Variants in TENM2 observed in about 807,000 individuals in gnomAD.
The protein encoded by TENM2 is teneurin-2.
TENM2 carries 52 observed loss-of-function variants against 245.2 expected under a neutral mutation model. The observed-to-expected ratio is 0.21, with a 90% CI of 0.17 to 0.27. The LOEUF (loss-of-function observed/expected upper bound fraction) is 0.27, where lower values mean the gene tolerates loss of function less well. Among genes scored for constraint, TENM2 ranks in the 10% least tolerant of loss-of-function variants. TENM2 has a pLI of 1.00. For missense variants in TENM2, 3,046 were observed against 3,666.8 expected (o/e 0.83, Z 4.37); for synonymous variants, 1,363 against 1,438.9 (o/e 0.95, Z 1.19).
At chr5:168,021,925 T>A (rs1052642521) in intron 5 of TENM2, among the ~76,000 whole-genome samples, 1 of 152,204 alleles carries the variant, frequency 6.6e-6, no homozygotes. Context: ...TAACAGGCCC[T>A]TTCTGTTCAT....
At chr5:167,881,474 T>C (rs1773872252) in intron 3 of TENM2, among the ~76,000 whole-genome samples, 1 of 152,188 alleles carries the variant, frequency 6.6e-6, no homozygotes, top group Non-Finnish European at 1.5e-5. Flanking sequence ...TCCGTAAGTA[T>C]TTGTTAAATA....
intron 2 of TENM2, among the ~76,000 whole-genome samples, chr5:167,703,531 A>AAAAAC (rs1758308698): frequency 2.0e-5 from 1 of 49,998 alleles, no homozygotes; most frequent in Admixed American, 2.6e-4. Flanking sequence ...AAACCATCTC[A>AAAAAC]AAAAAAAAAA....
Position 168,124,863 on chromosome 5 carries a change from T to A in TENM2, c.2022T>A (p.Asp674Glu), listed in dbSNP as rs1018268843. Residue 674 changes from aspartate (D) to glutamate (E), a missense_variant, in exon 11 of 29, where the codon GAT (aspartate) becomes GAA (glutamate). Coordinates refer to ENST00000518659, the Ensembl canonical transcript of TENM2. ...TGTTTTTTTCAGTTGATTGCTTGGATCCCACCTGCTCCAGCCACGGAGTCT... is the reference window on the plus strand; with the variant it reads ...TGTTTTTTTCAGTTGATTGCTTGGAACCCACCTGCTCCAGCCACGGAGTCT... 6.8e-6 allele frequency: 11 copies of A among 1,611,496 alleles called. No homozygotes were observed. Among genetic ancestry groups the A allele is most frequent in the Non-Finnish European group, 7.6e-6 (9 of 1,178,798 alleles).
At chr5:168,252,035 T>C (rs562510262) in intron 27 of TENM2, among the ~76,000 whole-genome samples, 2 of 152,186 alleles carry the variant, frequency 1.3e-5, no homozygotes, top group South Asian at 2.1e-4. Context: ...AGGTAATATA[T>C]GGATGATTGA....
chr5:167,990,064 T>TA (rs1163328209), intron 4 of TENM2, among the ~76,000 whole-genome samples: 3 of 152,222 alleles, frequency 2.0e-5, no homozygotes, highest in African/African-American at 7.2e-5. Context: ...AGTGACTCCT[T>TA]ACAATGCCTT....
At chr5:167,949,892 G>A (rs1353340158) in intron 3 of TENM2, among the ~76,000 whole-genome samples, 2 of 152,112 alleles carry the variant, frequency 1.3e-5, no homozygotes, top group South Asian at 4.1e-4. Context: ...AGACAAATGA[G>A]CAAATATAAT....
chr5:167,084,368 C>G, the TENM2 span, among the ~76,000 whole-genome samples: 32 of 24,122 alleles, frequency 1.3e-3, no homozygotes, highest in African/African-American at 3.4e-3. Flanking sequence ...TATATATATA[C>G]AGATCAGATT....
intron 3 of TENM2, among the ~76,000 whole-genome samples, chr5:167,952,013 C>G (rs1331451196): frequency 6.6e-6 from 1 of 152,166 alleles, no homozygotes; most frequent in African/African-American, 2.4e-5. Context: ...TGAGCTCTCT[C>G]CCTCATTCCC....
At chr5:167,646,200 C>T (rs1187741425) in intron 2 of TENM2, among the ~76,000 whole-genome samples, 31 of 63,426 alleles carry the variant, frequency 4.9e-4, no homozygotes, top group Non-Finnish European at 6.6e-4. Context: ...ATGTTGTTTT[C>T]ATATATATAT....
At chr5:167,705,117 GC>G (rs1375798754) in intron 2 of TENM2, among the ~76,000 whole-genome samples, 4 of 152,100 alleles carry the variant, frequency 2.6e-5, no homozygotes, top group African/African-American at 9.7e-5. Flanking sequence ...GGCTTTTTGT[GC>G]ACTGGATTAT....
rs1443525967 is a variant in TENM2, at chr5:167,560,233, A to G, written c.502+184760A>G. 3.3e-5 allele frequency among the ~76,000 whole-genome samples: 5 copies of G among 152,176 alleles called. No homozygotes were observed. In the South Asian group the frequency reaches 6.2e-4, roughly 19 times the overall value. Reference sequence around the variant, plus strand: ...ACCACCCCAGGTGACTCTTGTGTACATTGAAGGCTGTGGTCCCAGAGCACT... The same window carrying G: ...ACCACCCCAGGTGACTCTTGTGTACGTTGAAGGCTGTGGTCCCAGAGCACT... On this transcript the variant is annotated intron_variant, in intron 2 of 28. Coordinates refer to ENST00000518659, the Ensembl canonical transcript of TENM2.
At chr5:167,173,793 T>G in the TENM2 span, among the ~76,000 whole-genome samples, 1 of 151,814 alleles carries the variant, frequency 6.6e-6, no homozygotes, top group African/African-American at 2.4e-5. Flanking sequence ...CCTAGGTAAG[T>G]TGCAGGCTAT....
chr5:167,238,610 A>C, the TENM2 span, among the ~76,000 whole-genome samples: 1 of 151,816 alleles, frequency 6.6e-6, no homozygotes, highest in African/African-American at 2.4e-5. Context: ...TTGTATGCAC[A>C]GAGCACATGT....
intron 2 of TENM2, among the ~76,000 whole-genome samples, chr5:167,402,770 A>C (rs1336175958): frequency 6.6e-6 from 1 of 152,132 alleles, no homozygotes; most frequent in Non-Finnish European, 1.5e-5. Flanking sequence ...GGATTTTCAA[A>C]CGAAAACTGC....
chr5:167,253,520 G>A, the TENM2 span, among the ~76,000 whole-genome samples: 8 of 152,034 alleles, frequency 5.3e-5, no homozygotes, highest in African/African-American at 1.9e-4. Context: ...AAATCATTTA[G>A]AAGTTAAAAT....
At chr5:167,487,557 G>A (rs1345573722) in intron 2 of TENM2, among the ~76,000 whole-genome samples, 6 of 152,132 alleles carry the variant, frequency 3.9e-5, no homozygotes, top group Admixed American at 3.9e-4. Context: ...AACTTTCTGT[G>A]TATGAATGTG....
intron 2 of TENM2, among the ~76,000 whole-genome samples, chr5:167,750,032 G>T (rs1026963678): frequency 1.3e-5 from 2 of 152,038 alleles, no homozygotes; most frequent in Non-Finnish European, 2.9e-5. Context: ...CAATGGAGAT[G>T]ATTTTTTCAA....
chr5:167,635,078 G>A (rs1056723058), intron 2 of TENM2, among the ~76,000 whole-genome samples: 1 of 152,130 alleles, frequency 6.6e-6, no homozygotes, highest in African/African-American at 2.4e-5. Flanking sequence ...CAAATGTGGT[G>A]CAGGAAGGAG....
the TENM2 span, among the ~76,000 whole-genome samples, chr5:167,276,352 TTGTGTGTGTGTGTGTG>T: frequency 1.5e-4 from 5 of 34,196 alleles, no homozygotes; most frequent in African/African-American, 3.5e-4. Context: ...CCTGTTCATT[TTGTGTGTGTGTGTGTG>T]TGTGTGTGTG....
Sources: gnomAD v4.1 joint callset for allele counts (sites outside exome capture counted in the v4.1 genomes callset) on GRCh38, gnomAD v4.1.1 for gene constraint, MANE v1.5 for transcripts, NCBI Gene and HGNC (gene_info 2026-07-23, HGNC 2026-07-21) for gene names.